The following OCA2 variants were observed in gnomAD, a reference collection of about 807,000 sequenced individuals.
OCA2 encodes P protein.
Under a neutral mutation model 100.2 loss-of-function variants are expected in OCA2, and 77 were observed. The ratio of observed to expected loss-of-function variants is 0.77; its 90% CI spans 0.64 to 0.93. The LOEUF is 0.93. OCA2 is among the 40% of genes least tolerant of loss of function. OCA2 has a pLI of 0.00. For missense variants in OCA2, 1,062 were observed against 1,089.1 expected, an observed-to-expected ratio of 0.98 and a Z score of 0.35; for synonymous variants, 432 against 439.2, an observed-to-expected ratio of 0.98 and a Z score of 0.21.
chr15:27,872,452 T>C (rs1490121541), intron 19 of OCA2, among the ~76,000 whole-genome samples: 1 of 151,606 alleles, frequency 6.6e-6, no homozygotes, highest in Non-Finnish European at 1.5e-5. Flanking sequence ...CAGGAAAGAG[T>C]AGAAGAGAGA....
chr15:27,899,835 C>T (rs1252847346), intron 19 of OCA2, among the ~76,000 whole-genome samples: 1 of 152,202 alleles, frequency 6.6e-6, no homozygotes, highest in Non-Finnish European at 1.5e-5. Context: ...ATCTCTGTCA[C>T]AGCCCACTGG....
the OCA2 span, among the ~76,000 whole-genome samples, chr15:27,733,438 G>A: frequency 5.9e-5 from 9 of 152,188 alleles, no homozygotes; most frequent in South Asian, 6.2e-4. Context: ...AGCCACCCAC[G>A]GCCCAGCATG....
At chr15:28,032,778 G>C (rs2042944607) in intron 2 of OCA2, among the ~76,000 whole-genome samples, 1 of 140,834 alleles carries the variant, frequency 7.1e-6, no homozygotes, top group African/African-American at 2.7e-5. Context: ...GGGTGACAGA[G>C]CGAGACTCTG....
At chr15:27,939,129 G>C (rs1215382106) in intron 18 of OCA2, among the ~76,000 whole-genome samples, 1 of 152,180 alleles carries the variant, frequency 6.6e-6, no homozygotes, top group African/African-American at 2.4e-5. Flanking sequence ...TCATATTCTT[G>C]ACTGTTAAAA....
chr15:28,067,080 C>G (rs983592194), intron 2 of OCA2, among the ~76,000 whole-genome samples: 1 of 152,170 alleles, frequency 6.6e-6, no homozygotes, highest in African/African-American at 2.4e-5. Context: ...CCTCGGACCT[C>G]CTGGGGTTGT....
At chr15:27,819,438 A>T (rs74005232) in intron 23 of OCA2, among the ~76,000 whole-genome samples, 117 of 152,346 alleles carry the variant, frequency 7.7e-4, no homozygotes, top group African/African-American at 2.7e-3. Context: ...TCTCCAAGGG[A>T]GAAGTAACTG....
chr15:27,899,723 G>A (rs2037846900), intron 19 of OCA2, among the ~76,000 whole-genome samples: 1 of 152,190 alleles, frequency 6.6e-6, no homozygotes, highest in Non-Finnish European at 1.5e-5. Context: ...GCCTGCTAAA[G>A]CTTCAGAGGT....
chr15:27,758,252 G>C (rs571519683), intron 23 of OCA2, among the ~76,000 whole-genome samples: 1 of 152,282 alleles, frequency 6.6e-6, no homozygotes, highest in African/African-American at 2.4e-5. Context: ...AGCCCCAAGA[G>C]AAGCCTGCTC....
intron 3 of OCA2, among the ~76,000 whole-genome samples, chr15:28,030,009 A>G (rs149629747): frequency 1.3e-5 from 2 of 152,362 alleles, no homozygotes; most frequent in East Asian, 3.9e-4. Context: ...TGGTTTTCCA[A>G]TGAATTGCAA....
intron 22 of OCA2, 67 bp from the exon 23 acceptor site, chr15:27,845,119 T>G (rs746681665): frequency 8.3e-7 from 1 of 1,202,464 alleles, no homozygotes; most frequent in Non-Finnish European, 1.2e-6. Flanking sequence ...CTCTTTGGTT[T>G]GTAATATTTA....
chr15:27,973,717 G>A (rs1450982952), intron 14 of OCA2, among the ~76,000 whole-genome samples: 1 of 152,106 alleles, frequency 6.6e-6, no homozygotes, highest in Non-Finnish European at 1.5e-5. Context: ...CTAATTCTGT[G>A]AAAAATGATA....
At position 28,082,222 on chromosome 15, in the gene OCA2, A is replaced by G. The variant is rs146339372; in HGVS notation, c.-21-327T>C. On this transcript the variant is annotated intron_variant, in intron 1 of 23. Transcript: ENST00000354638. ...CAGCACTCTGTACAGTGGACCAATC[A>G]GCACTCTGTAAAATGGACCAATCAG... Among the ~76,000 whole-genome samples, 2,567 of 152,332 alleles carry G rather than the reference A, an allele frequency of 0.017. 68 individuals are homozygous for G. The highest frequency in any genetic ancestry group is 0.059 in the African/African-American group (2,434 of 41,558).
At chr15:27,867,807 T>C (rs909039480) in intron 21 of OCA2, among the ~76,000 whole-genome samples, 3 of 152,248 alleles carry the variant, frequency 2.0e-5, no homozygotes, top group Non-Finnish European at 4.4e-5. Flanking sequence ...GTATGTTAAC[T>C]GCTCACAGAC....
chr15:28,068,310 T>C lies in OCA2; in HGVS notation c.227+13338A>G, dbSNP rs915782914. On this transcript the variant is annotated intron_variant, in intron 2 of 23. Coordinates refer to ENST00000354638, the MANE Select transcript of OCA2 (RefSeq NM_000275.3). Reference sequence around the variant, plus strand: ...GATCCCACAGGATTATAAAAGATCTTCAGAGATGAGTATGAATAACTCTAT... The same window carrying C: ...GATCCCACAGGATTATAAAAGATCTCCAGAGATGAGTATGAATAACTCTAT... 4.6e-5 allele frequency among the ~76,000 whole-genome samples: 7 copies of C among 152,198 alleles called. 1 individual carries two copies. The highest frequency in any genetic ancestry group is 3.9e-4 in the Admixed American group (6 of 15,282).
chr15:27,719,238 G>T, the OCA2 span, among the ~76,000 whole-genome samples: 1 of 152,100 alleles, frequency 6.6e-6, no homozygotes, highest in Non-Finnish European at 1.5e-5. Flanking sequence ...TTTCTCCTAG[G>T]TCTTCCTTCC....
chr15:27,870,988 G>A (rs955977384), intron 21 of OCA2, among the ~76,000 whole-genome samples, 166 bp downstream of exon 21: 11 of 151,940 alleles, frequency 7.2e-5, no homozygotes, highest in East Asian at 3.9e-4. Context: ...CTGGGCTCTC[G>A]GCACTCCCCA....
intron 19 of OCA2, among the ~76,000 whole-genome samples, chr15:27,925,232 AG>A (rs1391015060): frequency 6.6e-6 from 1 of 152,218 alleles, no homozygotes; most frequent in Non-Finnish European, 1.5e-5. Flanking sequence ...ACTGTTAACA[AG>A]CAAGACAAAT....
intron 19 of OCA2, among the ~76,000 whole-genome samples, chr15:27,873,767 T>C (rs770331169): frequency 2.0e-5 from 3 of 152,192 alleles, no homozygotes; most frequent in Admixed American, 6.5e-5. Flanking sequence ...TCAAAATAAA[T>C]GATCTCTTAA....
At chr15:27,925,376 T>C (rs2039006982) in intron 19 of OCA2, among the ~76,000 whole-genome samples, 1 of 152,196 alleles carries the variant, frequency 6.6e-6, no homozygotes, top group South Asian at 2.1e-4. Context: ...TTGTGCAATG[T>C]ATGTCCTGTG....
Sources: gnomAD v4.1 joint callset for allele counts (sites outside exome capture counted in the v4.1 genomes callset) on GRCh38, gnomAD v4.1.1 for gene constraint, MANE v1.5 for transcripts, NCBI Gene and HGNC (gene_info 2026-07-23, HGNC 2026-07-21) for gene names.